KCNB2: variants seen among roughly 807,000 people sequenced by gnomAD.
KCNB2 encodes potassium voltage-gated channel subfamily B member 2.
Under a neutral mutation model 61.5 loss-of-function variants are expected in KCNB2, and 15 were observed. The ratio of observed to expected loss-of-function variants is 0.24; its 90% CI spans 0.16 to 0.38. KCNB2 has a LOEUF of 0.38. Among genes scored for constraint, KCNB2 ranks in the 10% least tolerant of loss-of-function variants. The probability of loss-of-function intolerance (pLI) is 1.00; values close to 1 mark genes in which losing one functional copy is unlikely to be tolerated. For missense variants in KCNB2, 828 were observed against 1,125.2 expected (o/e 0.74, Z 3.78); for synonymous variants, 457 against 446.0 (o/e 1.02, Z -0.31).
intron 2 of KCNB2, among the ~76,000 whole-genome samples, chr8:72,789,131 T>C (rs1443115503): frequency 6.6e-6 from 1 of 152,110 alleles, no homozygotes; most frequent in African/African-American, 2.4e-5. Context: ...CAGTTGCAAA[T>C]TTAAATGCCA....
chr8:72,703,485 G>A lies in KCNB2; in HGVS notation c.579+135172G>A, dbSNP rs141618766. Among the ~76,000 whole-genome samples the A allele has an allele frequency of 2.1e-3, 321 of 152,302 alleles. 3 individuals carry two copies. Among genetic ancestry groups the A allele is most frequent in the African/African-American group, 7.2e-3 (301 of 41,562 alleles). ...CAATTGTCAGCAGTTGGGGCAAGGGGCACTGGGCCTGTATACCTCTACACT... is the reference window on the plus strand; with the variant it reads ...CAATTGTCAGCAGTTGGGGCAAGGGACACTGGGCCTGTATACCTCTACACT... On this transcript the variant is annotated intron_variant, in intron 2 of 2. Transcript: ENST00000523207.
At position 72,906,975 on chromosome 8, in the gene KCNB2, G is replaced by C. The variant is rs548659560; in HGVS notation, c.580-28960G>C. The stretch of plus-strand genomic sequence containing the variant: ...TTGGAAGTAAAAATAGGTACTTACT[G>C]ATAAGTGTGTGTTTCTTGCTACTTT... On this transcript the variant is annotated intron_variant, in intron 2 of 2. Transcript: ENST00000523207. 3.9e-5 allele frequency among the ~76,000 whole-genome samples: 6 copies of C among 152,308 alleles called. No individual in the cohort carries two copies. The South Asian group carries it at 1.2e-3, about 32-fold the overall frequency.
intron 2 of KCNB2, among the ~76,000 whole-genome samples, chr8:72,651,712 A>G (rs1806213230): frequency 6.6e-6 from 1 of 152,176 alleles, no homozygotes; most frequent in Non-Finnish European, 1.5e-5. Flanking sequence ...ATCTACATCC[A>G]GTCGATCCAG....
At chr8:72,841,512 A>G (rs1809887171) in intron 2 of KCNB2, among the ~76,000 whole-genome samples, 1 of 151,710 alleles carries the variant, frequency 6.6e-6, no homozygotes, top group South Asian at 2.1e-4. Context: ...GAATCTATAA[A>G]TTACTTCAGG....
At chr8:72,816,585 A>T (rs532384023) in intron 2 of KCNB2, among the ~76,000 whole-genome samples, 3 of 152,186 alleles carry the variant, frequency 2.0e-5, no homozygotes, top group Non-Finnish European at 4.4e-5. Flanking sequence ...TAATCAGACT[A>T]TGTAGATGTG....
intron 2 of KCNB2, among the ~76,000 whole-genome samples, chr8:72,712,680 C>T (rs1250966607): frequency 6.6e-6 from 1 of 152,128 alleles, no homozygotes; most frequent in African/African-American, 2.4e-5. Flanking sequence ...ATTGTTGGCT[C>T]TTGAGCCAAG....
At chr8:72,799,282 T>C (rs1585899960) in intron 2 of KCNB2, among the ~76,000 whole-genome samples, 1 of 152,160 alleles carries the variant, frequency 6.6e-6, no homozygotes, top group Non-Finnish European at 1.5e-5. Context: ...TTAGTTTTCT[T>C]AACTAGAAAA....
chr8:72,929,799 T>C (rs1376961072), intron 2 of KCNB2, among the ~76,000 whole-genome samples: 1 of 152,150 alleles, frequency 6.6e-6, no homozygotes, highest in East Asian at 1.9e-4. Context: ...GTTTTTTTTA[T>C]TTCTTTTTTT....
At chr8:72,790,642 G>A (rs903657753) in intron 2 of KCNB2, among the ~76,000 whole-genome samples, 1 of 152,184 alleles carries the variant, frequency 6.6e-6, no homozygotes, top group Non-Finnish European at 1.5e-5. Context: ...AGGACCCAGA[G>A]AGAACGGGTG....
At chr8:72,918,266 A>G (rs1233729419) in intron 2 of KCNB2, among the ~76,000 whole-genome samples, 1 of 152,196 alleles carries the variant, frequency 6.6e-6, no homozygotes, top group Non-Finnish European at 1.5e-5. Flanking sequence ...GTGCTAAGTC[A>G]TCATCTGTCT....
chr8:72,745,257 A>G (rs1392219210), intron 2 of KCNB2, among the ~76,000 whole-genome samples: 2 of 152,154 alleles, frequency 1.3e-5, no homozygotes, highest in African/African-American at 4.8e-5. Context: ...ATTAGGAGAG[A>G]AGGAATGTAA....
intron 2 of KCNB2, among the ~76,000 whole-genome samples, chr8:72,663,760 G>T (rs1194586698): frequency 1.3e-5 from 2 of 152,120 alleles, no homozygotes; most frequent in Non-Finnish European, 2.9e-5. Context: ...AACAGGAAAG[G>T]TAGGACAATC....
intron 2 of KCNB2, among the ~76,000 whole-genome samples, chr8:72,712,821 AG>A (rs1807347793): frequency 6.6e-6 from 1 of 152,142 alleles, no homozygotes; most frequent in South Asian, 2.1e-4. Context: ...GGTTCAGGAC[AG>A]TGGGTGTAGT....
intron 2 of KCNB2, chr8:72,618,807 G>T: frequency 4.5e-6 from 1 of 223,678 alleles, no homozygotes; most frequent in Non-Finnish European, 9.2e-6. Flanking sequence ...TTTCACTTGA[G>T]CAAGAGATGG....
At chr8:72,750,353 C>T (rs1362741748) in intron 2 of KCNB2, 4 of 152,112 alleles carry the variant, frequency 2.6e-5, no homozygotes, top group Non-Finnish European at 5.9e-5. Context: ...GATTGTTTCT[C>T]TTACACCCAG....
chr8:72,927,695 G>T (rs182505683), intron 2 of KCNB2, among the ~76,000 whole-genome samples: 1 of 152,168 alleles, frequency 6.6e-6, no homozygotes. Flanking sequence ...CATCATTCAC[G>T]TTATAGTCTC....
chr8:72,561,719 ATATATATAT>A (rs1806521337), intron 1 of KCNB2, among the ~76,000 whole-genome samples: 8 of 24,094 alleles, frequency 3.3e-4, no homozygotes, highest in African/African-American at 1.8e-3. Context: ...ATATATATAT[ATATATATAT>A]CTATATCTAT....
At chr8:72,863,437 C>T (rs1051866101) in intron 2 of KCNB2, among the ~76,000 whole-genome samples, 1 of 152,092 alleles carries the variant, frequency 6.6e-6, no homozygotes, top group Non-Finnish European at 1.5e-5. Flanking sequence ...AGAATTCACA[C>T]CAGATTATTA....
intron 2 of KCNB2, among the ~76,000 whole-genome samples, chr8:72,666,759 TCTC>T (rs1394277277): frequency 1.3e-5 from 2 of 151,914 alleles, no homozygotes; most frequent in Non-Finnish European, 2.9e-5. Flanking sequence ...TTCAGGCTAT[TCTC>T]CTGCCTCAGC....
Sources: gnomAD v4.1 joint callset for allele counts (sites outside exome capture counted in the v4.1 genomes callset) on GRCh38, gnomAD v4.1.1 for gene constraint, MANE v1.5 for transcripts, NCBI Gene and HGNC (gene_info 2026-07-23, HGNC 2026-07-21) for gene names.